Variants in TAB2 observed in about 807,000 individuals in gnomAD.
The protein encoded by TAB2 is TGF-beta-activated kinase 1 and MAP3K7-binding protein 2.
In TAB2, 3 loss-of-function variants were observed where a neutral mutation model predicts 65.0. The ratio of observed to expected loss-of-function variants is 0.05; its 90% confidence interval spans 0.02 to 0.12. The LOEUF is 0.12. Ranked by LOEUF, TAB2 falls within the 10% of genes least tolerant of loss-of-function variation. The pLI is 1.00. For missense variants in TAB2, 623 were observed against 840.3 expected (o/e 0.74, Z 3.20); for synonymous variants, 298 against 285.1 (o/e 1.05, Z -0.46).
chr6:149,308,516 ATTTACT>A (rs1033466899), intron 1 of TAB2, among the ~76,000 whole-genome samples: 10 of 108,064 alleles, frequency 9.3e-5, no homozygotes, highest in African/African-American at 2.9e-4. Flanking sequence ...TTATTTATTT[ATTTACT>A]TATTTATTTA....
chr6:149,349,419 CAA>C (rs369838005), intron 1 of TAB2, among the ~76,000 whole-genome samples: 23 of 81,870 alleles, frequency 2.8e-4, no homozygotes, highest in Admixed American at 4.0e-4. Context: ...CACTCCGTCT[CAA>C]AAAAAAAAAA....
At chr6:149,390,380 A>G (rs1781942850) in intron 3 of TAB2, among the ~76,000 whole-genome samples, 1 of 152,218 alleles carries the variant, frequency 6.6e-6, no homozygotes, top group African/African-American at 2.4e-5. Context: ...GAAGCCTAAA[A>G]TCTTTGTATC....
At chr6:149,313,660 T>A (rs1779202430), upstream of TAB2, among the ~76,000 whole-genome samples, 1 of 152,198 alleles carries the variant, frequency 6.6e-6, no homozygotes, top group Non-Finnish European at 1.5e-5. Context: ...CTCCCATAAC[T>A]TCTTCTCTTC....
At chr6:149,399,028 AAG>A (rs1782273769) in intron 5 of TAB2, 74 bp from the exon 6 acceptor site, 2 of 1,291,194 alleles carry the variant, frequency 1.5e-6, no homozygotes, top group Admixed American at 1.8e-5. Context: ...TATTTTTAGA[AAG>A]AAATACTTGT....
chr6:149,353,652 A>T (rs79669691), intron 1 of TAB2, among the ~76,000 whole-genome samples: 1 of 152,266 alleles, frequency 6.6e-6, no homozygotes, highest in Non-Finnish European at 1.5e-5. Flanking sequence ...ATTCTGAGGA[A>T]ATAATTTAAA....
chr6:149,403,227 T>A, intron 6 of TAB2, among the ~76,000 whole-genome samples: 1 of 116,054 alleles, frequency 8.6e-6, no homozygotes, highest in African/African-American at 3.6e-5. Context: ...GGAGCGAAAC[T>A]CTTGTCTAAA....
intron 1 of TAB2, among the ~76,000 whole-genome samples, chr6:149,337,222 AC>A (rs1779960575): frequency 7.3e-6 from 1 of 137,462 alleles, no homozygotes; most frequent in African/African-American, 2.6e-5. Flanking sequence ...ACACTTGATA[AC>A]TGTTTCGGTA....
intron 2 of TAB2, among the ~76,000 whole-genome samples, chr6:149,370,712 C>G (rs1415569909): frequency 6.6e-6 from 1 of 152,004 alleles, no homozygotes; most frequent in African/African-American, 2.4e-5. Flanking sequence ...ATTTACAATT[C>G]CAAATATTGA....
At chr6:149,240,553 G>T (rs1455620523) in intron 1 of TAB2, among the ~76,000 whole-genome samples, 2 of 151,590 alleles carry the variant, frequency 1.3e-5, no homozygotes, top group Non-Finnish European at 2.9e-5. Context: ...TAGAATAATA[G>T]CATCATCATC....
At position 149,357,464 on chromosome 6, in the gene TAB2, C is replaced by T. The variant is rs79596918; in HGVS notation, c.-89-12445C>T. Among the ~76,000 whole-genome samples, 1,229 of 147,864 alleles carry T rather than the reference C, an allele frequency of 8.3e-3. 17 individuals carry two copies. The highest frequency in any genetic ancestry group is 0.03 in the African/African-American group (1,183 of 39,698). On this transcript the variant is annotated intron_variant, in intron 1 of 6. Transcript: ENST00000637181. ...ACACACACACACACACACACACACA[C>T]ACATTTTAGCCTTGATGGATATAAA...
chr6:149,348,614 G>A (rs1583110496), intron 1 of TAB2, among the ~76,000 whole-genome samples: 1 of 146,268 alleles, frequency 6.8e-6, no homozygotes, highest in East Asian at 2.0e-4. Context: ...GGGCTTATGG[G>A]AAAAAAAAAA....
intron 1 of TAB2, among the ~76,000 whole-genome samples, chr6:149,354,652 C>T (rs1280611086): frequency 6.6e-6 from 1 of 152,058 alleles, no homozygotes. Flanking sequence ...TGTATCCTTC[C>T]AAAGATATTC....
intron 1 of TAB2, chr6:149,243,756 A>G (rs1187977021): frequency 1.3e-5 from 2 of 152,226 alleles, no homozygotes; most frequent in Non-Finnish European, 2.9e-5. Context: ...CATCAAAGGG[A>G]AGGAGTTGAT....
At chr6:149,265,143 G>T (rs1430168355) in intron 1 of TAB2, among the ~76,000 whole-genome samples, 1 of 148,026 alleles carries the variant, frequency 6.8e-6, no homozygotes, top group Non-Finnish European at 1.5e-5. Context: ...TGACTCATTT[G>T]AAATAATGCT....
At chr6:149,397,464 T>G in intron 3 of TAB2, 140 bp from the exon 4 acceptor site, 2 of 1,032,138 alleles carry the variant, frequency 1.9e-6, no homozygotes, top group East Asian at 2.5e-5. Flanking sequence ...AAATTGAAAT[T>G]TTAAATGCCT....
At chr6:149,373,799 T>C (rs1289818008) in intron 2 of TAB2, among the ~76,000 whole-genome samples, 4 of 152,348 alleles carry the variant, frequency 2.6e-5, no homozygotes, top group African/African-American at 9.6e-5. Context: ...GAGAGTCTTC[T>C]ACCCTTTCTC....
intron 1 of TAB2, among the ~76,000 whole-genome samples, chr6:149,349,525 A>G (rs1184479740): frequency 3.3e-5 from 5 of 151,960 alleles, no homozygotes; most frequent in Non-Finnish European, 5.9e-5. Flanking sequence ...ATAGCTGGTA[A>G]GTGTTTCAGG....
intron 1 of TAB2, among the ~76,000 whole-genome samples, chr6:149,227,957 CAG>C (rs1777318614): frequency 6.6e-6 from 1 of 152,068 alleles, no homozygotes; most frequent in Non-Finnish European, 1.5e-5. Flanking sequence ...AGCGTAGCCA[CAG>C]AGAGAGAACA....
chr6:149,234,880 A>C (rs79475034), intron 1 of TAB2, among the ~76,000 whole-genome samples: 29 of 149,598 alleles, frequency 1.9e-4, no homozygotes, highest in South Asian at 8.4e-4. Context: ...AAAAAAAAAA[A>C]ACACACTCTT....
Sources: gnomAD v4.1 joint callset for allele counts (sites outside exome capture counted in the v4.1 genomes callset) on GRCh38, gnomAD v4.1.1 for gene constraint, MANE v1.5 for transcripts, NCBI Gene and HGNC (gene_info 2026-07-23, HGNC 2026-07-21) for gene names.